The following LTB4R2 variants were observed in gnomAD, a reference collection of about 807,000 sequenced individuals.
The protein encoded by LTB4R2 is LTB4 receptor JULF2.
Under a neutral mutation model 5.3 loss-of-function variants are expected in LTB4R2, and 6 were observed. The observed-to-expected ratio is 1.14, with a 90% CI of 0.62 to 2.24. The LOEUF (loss-of-function observed/expected upper bound fraction) is 2.24, where lower values mean the gene tolerates loss of function less well. Ranked by LOEUF, LTB4R2 falls within the 30% of genes most tolerant of loss-of-function variation. The pLI, the probability that LTB4R2 is intolerant of heterozygous loss-of-function variation, is 0.00. For synonymous variants in LTB4R2, 310 were observed against 264.2 expected (o/e 1.17, Z -1.68); for missense variants, 560 against 521.5 (o/e 1.07, Z -0.72).
At position 24,311,236 on chromosome 14, in the gene LTB4R2, T is replaced by G. The variant is rs767114413; in HGVS notation, c.572T>G (p.Val191Gly). Reference sequence around the variant, plus strand: ...AGCCTGGAGACTCTGACCGCTTTCGTGCTTCCTTTCGGGCTGATGCTCGGC... The same window carrying G: ...AGCCTGGAGACTCTGACCGCTTTCGGGCTTCCTTTCGGGCTGATGCTCGGC... Reference protein sequence around the residue: ...HLSLETLTAFVLPFGLMLGCY... With the variant: ...HLSLETLTAFGLPFGLMLGCY... The change falls in exon 2 of 2, where the codon GTG (valine) becomes GGG (glycine). Residue 191 changes from valine (V) to glycine (G), a missense_variant. Val to Gly is a moderately radical substitution (Grantham distance 109, BLOSUM62 -3). Coordinates refer to ENST00000533293, the MANE Select transcript of LTB4R2 (RefSeq NM_019839.5). The G allele has an allele frequency of 6.2e-7, 1 of 1,608,738 alleles. No individual in the cohort carries two copies. Among genetic ancestry groups the G allele is most frequent in the South Asian group, 1.1e-5 (1 of 90,186 alleles).
Position 24,310,395 on chromosome 14 carries a change from A to C in LTB4R2, c.-11+140A>C, listed in dbSNP as rs2041651348. 8.0e-6 allele frequency: 5 copies of C among 627,794 alleles called. No homozygotes were observed. The South Asian group carries it at 9.2e-5, about 12-fold the overall frequency. The allele number at this position is 627,794 out of a possible 1,614,324, so 38.9% of individuals were successfully genotyped here. On this transcript the variant is annotated intron_variant, in intron 1 of 1. Transcript: ENST00000533293. ...AGTGACAGCCTGGGGTGATGACTTT[A>C]TGCCTGTTTACCACTGAGCTCTGGG...
At position 24,311,608 on chromosome 14, in the gene LTB4R2, G is replaced by A. The variant is rs761046681; in HGVS notation, c.944G>A (p.Arg315Gln). 2.5e-6 allele frequency: 4 copies of A among 1,612,734 alleles called. No homozygotes were observed. The highest frequency in any genetic ancestry group is 2.2e-5 in the East Asian group (1 of 44,884). ...TRLFEGSGEA[R>Q]GGGRSREGTM... ...CTCTTCGAAGGCTCTGGGGAGGCCC[G>A]AGGGGGCGGCCGCTCTAGGGAAGGG... Residue 315 changes from arginine to glutamine, a missense_variant, in exon 2 of 2, where the codon CGA (arginine) becomes CAA (glutamine). Transcript: ENST00000533293.
In LTB4R2 at chr14:24,311,213, C is replaced by G; in HGVS notation, c.549C>G (p.Ser183Arg). Residue 183 changes from serine to arginine, a missense_variant, in exon 2 of 2, where the codon AGC becomes AGG. Physicochemically the swap from Ser to Arg is moderately radical, Grantham distance 110. Coordinates refer to ENST00000533293, the MANE Select transcript of LTB4R2 (RefSeq NM_019839.5). ...PSPVHAAAHL[S>R]LETLTAFVLP... ...CGGTCCACGCCGCCGCCCACCTGAG[C>G]CTGGAGACTCTGACCGCTTTCGTGC... 1 of 1,609,246 alleles carries G rather than the reference C, an allele frequency of 6.2e-7. No individual in the cohort carries two copies. Among genetic ancestry groups the G allele is most frequent in the Non-Finnish European group, 8.5e-7 (1 of 1,178,292 alleles).
rs1194158547 is a variant in LTB4R2, at chr14:24,311,919, G to A, written c.*178G>A. 9 of 621,504 alleles carry A rather than the reference G, an allele frequency of 1.4e-5. No homozygotes were observed. The highest frequency in any genetic ancestry group is 2.5e-5 in the Non-Finnish European group (9 of 353,494). 38.5% of individuals were successfully genotyped at this position (621,504 alleles called of 1,614,324 possible). On this transcript the variant is annotated 3_prime_UTR_variant, in exon 2 of 2. Transcript: ENST00000533293. ...GCTCCTCCAAACTGAGGGATTATGA[G>A]GGTGGTGATGGTCCCTGTTAAGGAC...
chr14:24,310,868 C>G lies in LTB4R2; in HGVS notation c.204C>G (p.Asp68Glu). 1 of 1,591,548 alleles carries G rather than the reference C, an allele frequency of 6.3e-7. No homozygotes were observed. Among genetic ancestry groups the G allele is most frequent in the South Asian group, 1.1e-5 (1 of 90,334 alleles). ...TTGTGCTGCACCTGGCGCTGGCCGA[C>G]GGCGCGGTGCTGCTGCTCACGCCGC... The part of the protein sequence containing the change: ...ATLVLHLALA[D>E]GAVLLLTPLF... The change falls in exon 2 of 2, where the codon GAC (aspartate) becomes GAG (glutamate). Residue 68 changes from aspartate (D) to glutamate (E), a missense_variant. Asp to Glu is a conservative substitution (Grantham distance 45). Transcript: ENST00000533293.
chr14:24,310,926 C>A lies in LTB4R2; in HGVS notation c.262C>A (p.Pro88Thr). 1 of 1,589,454 alleles carries A rather than the reference C, an allele frequency of 6.3e-7. No individual in the cohort carries two copies. The highest frequency in any genetic ancestry group is 8.5e-7 in the Non-Finnish European group (1 of 1,176,096). The change falls in exon 2 of 2, where the codon CCG (proline) becomes ACG (threonine). Residue 88 changes from proline (P) to threonine (T), a missense_variant. Coordinates refer to ENST00000533293, the MANE Select transcript of LTB4R2 (RefSeq NM_019839.5). ...GGCCTTCCTGACCCGGCAGGCCTGG[C>A]CGCTGGGCCAGGCGGGCTGCAAGGC... ...FVAFLTRQAW[P>T]LGQAGCKAVY... is the part of the protein sequence containing the mutation.
intron 1 of LTB4R2, 64 bp from the exon 2 acceptor site, chr14:24,310,591 C>A: frequency 6.9e-7 from 1 of 1,455,148 alleles, no homozygotes; most frequent in Non-Finnish European, 9.7e-7. Context: ...TCTCATCGGG[C>A]ATCACAGGTG....
At position 24,310,944 on chromosome 14, in the gene LTB4R2, T is replaced by A; in HGVS notation, c.280T>A (p.Cys94Ser). Residue 94 changes from cysteine (C) to serine (S), a missense_variant, in exon 2 of 2, where the codon TGC becomes AGC. By Grantham distance (112) the Cys-to-Ser change is moderately radical. Coordinates refer to ENST00000533293, the MANE Select transcript of LTB4R2 (RefSeq NM_019839.5). The stretch of plus-strand genomic sequence containing the variant: ...GGCCTGGCCGCTGGGCCAGGCGGGC[T>A]GCAAGGCGGTGTACTACGTGTGCGC... ...RQAWPLGQAGCKAVYYVCALS... is the reference protein window; with the variant it reads ...RQAWPLGQAGSKAVYYVCALS... 1 of 1,591,782 alleles carries A rather than the reference T, an allele frequency of 6.3e-7. No individual in the cohort carries two copies.
Position 24,310,708 on chromosome 14 carries a change from G to GCT in LTB4R2, c.45_46dup (p.Trp16SerfsTer68). 1 of 1,613,290 alleles carries GCT rather than the reference G, an allele frequency of 6.2e-7. No individual in the cohort carries two copies. Among genetic ancestry groups the GCT allele is most frequent in the South Asian group, 1.1e-5 (1 of 91,090 alleles). On this transcript the variant is annotated frameshift_variant, in exon 2 of 2. Coordinates refer to ENST00000533293, the MANE Select transcript of LTB4R2 (RefSeq NM_019839.5). LOFTEE classifies it low-confidence loss of function (END_TRUNC). ...CCCCCAGGGAACGAGACACTGCTGAGCTGGAAGACTTCGCGGGCCACAGGC... is the reference window on the plus strand; with the variant it reads ...CCCCCAGGGAACGAGACACTGCTGAGCTCTGGAAGACTTCGCGGGCCACAGGC...
Position 24,311,053 on chromosome 14 carries a change from C to G in LTB4R2, c.389C>G (p.Pro130Arg), listed in dbSNP as rs766518366. Residue 130 changes from proline to arginine, a missense_variant, in exon 2 of 2, where the codon CCT (proline) becomes CGT (arginine). Physicochemically the swap from Pro to Arg is moderately radical, Grantham distance 103. Coordinates refer to ENST00000533293, the MANE Select transcript of LTB4R2 (RefSeq NM_019839.5). ...CLAVTRPFLA[P>R]RLRSPALARR... Reference sequence around the variant, plus strand: ...GCAGTCACCCGCCCCTTCCTGGCGCCTCGGCTGCGCAGCCCGGCCCTGGCC... The same window carrying G: ...GCAGTCACCCGCCCCTTCCTGGCGCGTCGGCTGCGCAGCCCGGCCCTGGCC... The G allele has an allele frequency of 1.3e-6, 2 of 1,572,382 alleles. No individual in the cohort carries two copies. Among genetic ancestry groups the G allele is most frequent in the Non-Finnish European group, 1.7e-6 (2 of 1,168,670 alleles).
Position 24,310,981 on chromosome 14 carries a change from A to G in LTB4R2, c.317A>G (p.Tyr106Cys). 1 of 1,590,436 alleles carries G rather than the reference A, an allele frequency of 6.3e-7. No individual in the cohort carries two copies. The highest frequency in any genetic ancestry group is 8.5e-7 in the Non-Finnish European group (1 of 1,176,610). ...TACTACGTGTGCGCGCTCAGCATGT[A>G]CGCCAGCGTGCTGCTCACCGGCCTG... is the stretch of plus-strand genomic sequence containing the variant. ...AVYYVCALSMYASVLLTGLLS... is the reference protein window; with the variant it reads ...AVYYVCALSMCASVLLTGLLS... The change falls in exon 2 of 2, where the codon TAC (tyrosine) becomes TGC (cysteine). Residue 106 changes from tyrosine to cysteine, a missense_variant. Physicochemically the swap from Tyr to Cys is radical, Grantham distance 194. Coordinates refer to ENST00000533293, the MANE Select transcript of LTB4R2 (RefSeq NM_019839.5).
chr14:24,311,023 G>C lies in LTB4R2; in HGVS notation c.359G>C (p.Cys120Ser), dbSNP rs2041679955. 6.3e-7 allele frequency: 1 copy of C among 1,583,754 alleles called. No individual in the cohort carries two copies. Among genetic ancestry groups the C allele is most frequent in the Non-Finnish European group, 8.5e-7 (1 of 1,174,112 alleles). The stretch of plus-strand genomic sequence containing the variant: ...ACCGGCCTGCTCAGCCTGCAGCGCT[G>C]CCTCGCAGTCACCCGCCCCTTCCTG... ...LLTGLLSLQR[C>S]LAVTRPFLAP... Residue 120 changes from cysteine (C) to serine (S), a missense_variant, in exon 2 of 2, where the codon TGC (cysteine) becomes TCC (serine). By Grantham distance (112) the Cys-to-Ser change is moderately radical. Coordinates refer to ENST00000533293, the MANE Select transcript of LTB4R2 (RefSeq NM_019839.5).
In LTB4R2 at chr14:24,311,093, G is replaced by A. The variant is rs945532373; in HGVS notation, c.429G>A (p.Leu143=). The A allele has an allele frequency of 9.6e-6, 15 of 1,562,916 alleles. No homozygotes were observed. Among genetic ancestry groups the A allele is most frequent in the African/African-American group, 1.4e-5 (1 of 71,918 alleles). The change falls in exon 2 of 2, where the codon CTG becomes CTA. Residue 143 remains leucine (L), a synonymous_variant. Coordinates refer to ENST00000533293, the MANE Select transcript of LTB4R2 (RefSeq NM_019839.5). ...RSPALARRLL[L]AVWLAALLLA... ...CGGCCCTGGCCCGCCGCCTGCTGCT[G>A]GCGGTCTGGCTGGCCGCCCTGTTGC...
chr14:24,311,068 C>G lies in LTB4R2; in HGVS notation c.404C>G (p.Pro135Arg), dbSNP rs759604164. 11 of 1,559,242 alleles carry G rather than the reference C, an allele frequency of 7.1e-6. No homozygotes were observed. The highest frequency in any genetic ancestry group is 5.7e-5 in the Admixed American group (3 of 52,870). ...TTCCTGGCGCCTCGGCTGCGCAGCC[C>G]GGCCCTGGCCCGCCGCCTGCTGCTG... ...RPFLAPRLRS[P>R]ALARRLLLAV... The change falls in exon 2 of 2, where the codon CCG (proline) becomes CGG (arginine). Residue 135 changes from proline (P) to arginine (R), a missense_variant. Physicochemically the swap from Pro to Arg is moderately radical, Grantham distance 103. Coordinates refer to ENST00000533293, the MANE Select transcript of LTB4R2 (RefSeq NM_019839.5).
Position 24,311,437 on chromosome 14 carries a change from CCTTGGCGAAG to C in LTB4R2, c.776_785del (p.Leu259TrpfsTer72). On this transcript the variant is annotated frameshift_variant, in exon 2 of 2. Transcript: ENST00000533293. LOFTEE classifies it high-confidence loss of function. The stretch of plus-strand genomic sequence containing the variant: ...GCAGCGCTGGCTCCACCGGAAGGGG[CCTTGGCGAAG>C]CTGGGCGGAGCCGGCCAGGCGGCGC... The C allele has an allele frequency of 2.5e-6, 4 of 1,601,348 alleles. No individual in the cohort carries two copies. Among genetic ancestry groups the C allele is most frequent in the Non-Finnish European group, 3.4e-6 (4 of 1,179,824 alleles).
intron 1 of LTB4R2, 58 bp downstream of exon 1, chr14:24,310,313 CTAGAATGGGGCTGGACAAAGAA>C: frequency 1.7e-6 from 1 of 591,958 alleles, no homozygotes; most frequent in Non-Finnish European, 3.0e-6. Context: ...CCCAGATGTG[CTAGAATGGGGCTGGACAAAGAA>C]GGAGGGGCCA....
rs761169239 is a variant in LTB4R2, at chr14:24,310,874, G to A, written c.210G>A (p.Ala70=). 4.4e-6 allele frequency: 7 copies of A among 1,592,054 alleles called. No homozygotes were observed. Among genetic ancestry groups the A allele is most frequent in the East Asian group, 4.5e-5 (2 of 44,450 alleles). ...LVLHLALADG[A]VLLLTPLFVA... ...TGCACCTGGCGCTGGCCGACGGCGC[G>A]GTGCTGCTGCTCACGCCGCTCTTTG... The change falls in exon 2 of 2, where the codon GCG becomes GCA. Residue 70 remains alanine, a synonymous_variant. Transcript: ENST00000533293.
At position 24,311,622 on chromosome 14, in the gene LTB4R2, T is replaced by C; in HGVS notation, c.958T>C (p.Ser320Pro). 3 of 1,613,208 alleles carry C rather than the reference T, an allele frequency of 1.9e-6. No individual in the cohort carries two copies. The highest frequency in any genetic ancestry group is 2.5e-6 in the Non-Finnish European group (3 of 1,180,002). Residue 320 changes from serine (S) to proline (P), a missense_variant, in exon 2 of 2, where the codon TCT (serine) becomes CCT (proline). By Grantham distance (74) the Ser-to-Pro change is moderately conservative. Coordinates refer to ENST00000533293, the MANE Select transcript of LTB4R2 (RefSeq NM_019839.5). ...GSGEARGGGR[S>P]REGTMELRTT... The stretch of plus-strand genomic sequence containing the variant: ...TGGGGAGGCCCGAGGGGGCGGCCGC[T>C]CTAGGGAAGGGACCATGGAGCTCCG...
In LTB4R2 at chr14:24,310,936, A is replaced by G. The variant is rs1442119178; in HGVS notation, c.272A>G (p.Gln91Arg). Reference protein sequence around the residue: ...FLTRQAWPLGQAGCKAVYYVC... With the variant: ...FLTRQAWPLGRAGCKAVYYVC... ...ACCCGGCAGGCCTGGCCGCTGGGCC[A>G]GGCGGGCTGCAAGGCGGTGTACTAC... Residue 91 changes from glutamine to arginine, a missense_variant, in exon 2 of 2, where the codon CAG (glutamine) becomes CGG (arginine). Gln to Arg is a conservative substitution (Grantham distance 43). Coordinates refer to ENST00000533293, the MANE Select transcript of LTB4R2 (RefSeq NM_019839.5). 9 of 1,590,718 alleles carry G rather than the reference A, an allele frequency of 5.7e-6. No homozygotes were observed. The highest frequency in any genetic ancestry group is 2.2e-5 in the South Asian group (2 of 90,204).
Sources: allele counts gnomAD v4.1 joint callset, GRCh38; gene constraint gnomAD v4.1.1; transcripts MANE v1.5; gene names NCBI Gene and HGNC (gene_info 2026-07-23, HGNC 2026-07-21).